Variants in PPP4R2 observed in about 807,000 individuals in gnomAD.
PPP4R2 encodes protein phosphatase 4 regulatory subunit 2, also known as serine/threonine-protein phosphatase 4 regulatory subunit 2.
Under a neutral mutation model 47.2 loss-of-function variants are expected in PPP4R2, and 13 were observed. That is an observed-to-expected ratio of 0.28 (90% CI 0.18 to 0.44). The LOEUF is 0.44. PPP4R2 is among the 20% of genes least tolerant of loss of function. The pLI is 1.00. For missense variants in PPP4R2, 421 were observed against 491.2 expected (o/e 0.86, Z 1.35); for synonymous variants, 151 against 163.3 (o/e 0.92, Z 0.57).
At chr3:73,048,493 A>T (rs1479082127) in intron 3 of PPP4R2, among the ~76,000 whole-genome samples, 1 of 151,952 alleles carries the variant, frequency 6.6e-6, no homozygotes, top group Non-Finnish European at 1.5e-5. Flanking sequence ...TGACCTTGTG[A>T]TCCGCCCACC....
chr3:73,000,819 G>T (rs1701443224), intron 2 of PPP4R2, among the ~76,000 whole-genome samples: 1 of 152,172 alleles, frequency 6.6e-6, no homozygotes, highest in South Asian at 2.1e-4. Flanking sequence ...TAAATATATA[G>T]TATGCGCTGA....
intron 3 of PPP4R2, among the ~76,000 whole-genome samples, chr3:73,054,585 G>A (rs150325844): frequency 0.013 from 1,968 of 152,056 alleles, 18 homozygotes; most frequent in Middle Eastern, 0.027. Context: ...CATATACATG[G>A]GTAAAACAAA....
Position 73,065,512 on chromosome 3 carries a change from A to G in PPP4R2, c.1044A>G (p.Glu348=), listed in dbSNP as rs375514870. The G allele has an allele frequency of 5.6e-6, 9 of 1,611,902 alleles. No homozygotes were observed. The highest frequency in any genetic ancestry group is 5.9e-6 in the Non-Finnish European group (7 of 1,179,680). ...ETSEENNQME[E]SDVSQAEKDL... is the part of the protein sequence containing the mutation. ...CTGAGGAAAATAATCAAATGGAGGA[A>G]TCTGATGTGTCTCAAGCTGAGAAAG... is the stretch of plus-strand genomic sequence containing the variant. The change falls in exon 9 of 9, where the codon GAA becomes GAG. Residue 348 remains glutamate (E), a synonymous_variant. Transcript: ENST00000356692.
At chr3:73,046,735 T>C (rs1388857580) in intron 2 of PPP4R2, among the ~76,000 whole-genome samples, 1 of 152,210 alleles carries the variant, frequency 6.6e-6, no homozygotes, top group Non-Finnish European at 1.5e-5. Flanking sequence ...AAGTTTATTT[T>C]GTTATTTAGT....
chr3:73,045,963 A>ATGCTG (rs1702477684), intron 2 of PPP4R2, among the ~76,000 whole-genome samples: 2 of 152,192 alleles, frequency 1.3e-5, no homozygotes, highest in Non-Finnish European at 2.9e-5. Flanking sequence ...TTTTTTTAAT[A>ATGCTG]CCTGTTTCTC....
intron 2 of PPP4R2, among the ~76,000 whole-genome samples, chr3:73,005,767 G>GGTTA (rs1331548200): frequency 2.0e-5 from 3 of 150,640 alleles, no homozygotes; most frequent in Non-Finnish European, 4.4e-5. Flanking sequence ...GGGAGGCAGA[G>GGTTA]GTTACAGTGA....
intron 2 of PPP4R2, among the ~76,000 whole-genome samples, chr3:73,032,161 A>G (rs1389225299): frequency 6.6e-6 from 1 of 152,230 alleles, no homozygotes; most frequent in African/African-American, 2.4e-5. Flanking sequence ...GAATTTATTA[A>G]TACGATAAAG....
chr3:73,062,111 T>A (rs1182799686), intron 5 of PPP4R2: 3 of 1,547,514 alleles, frequency 1.9e-6, no homozygotes, highest in South Asian at 2.4e-5. Flanking sequence ...TGTATGCTTA[T>A]GTTAATTCTC....
chr3:73,009,318 G>A (rs1399938604), intron 2 of PPP4R2, among the ~76,000 whole-genome samples: 5 of 152,100 alleles, frequency 3.3e-5, no homozygotes, highest in African/African-American at 7.2e-5. Flanking sequence ...TTAACTGTTC[G>A]GGAGTAATTA....
rs142344473 is a variant in PPP4R2, at chr3:73,034,924, C to T, written c.117-12262C>T. Reference sequence around the variant, plus strand: ...GGTGAGACCTCAAAAGCACAGGGAACGAAAGCAAAAACAGATGAATGGGAT... The same window carrying T: ...GGTGAGACCTCAAAAGCACAGGGAATGAAAGCAAAAACAGATGAATGGGAT... On this transcript the variant is annotated intron_variant, in intron 2 of 8. Transcript: ENST00000356692. Among the ~76,000 whole-genome samples, 74 of 151,228 alleles carry T rather than the reference C, an allele frequency of 4.9e-4. No individual in the cohort carries two copies. The Middle Eastern group carries it at 0.014, about 28-fold the overall frequency.
intron 7 of PPP4R2, 135 bp from the exon 8 acceptor site, chr3:73,064,717 T>A: frequency 1.3e-6 from 1 of 769,272 alleles, no homozygotes; most frequent in East Asian, 2.5e-5. Context: ...TTCTCTTGTG[T>A]TTTTCTTTGT....
rs1357298856 is a variant in PPP4R2 at position 73,065,657 on chromosome 3, G to T, written c.1189G>T (p.Glu397Ter). The change falls in exon 9 of 9, where the codon GAA (glutamate) becomes TAA (stop). Residue 397 changes from glutamate (E) to a stop codon, truncating the protein, a stop_gained. Coordinates refer to ENST00000356692, the MANE Select transcript of PPP4R2 (RefSeq NM_174907.4). LOFTEE classifies it high-confidence loss of function. ...NSSKTGEILS[E>*]SSMENDDEAT... ...CAGTAAAACTGGAGAGATTCTTTCA[G>T]AATCATCCATGGAAAATGATGACGA... 1.2e-6 allele frequency: 2 copies of T among 1,611,946 alleles called. No homozygotes were observed.
intron 2 of PPP4R2, among the ~76,000 whole-genome samples, chr3:73,007,628 A>G (rs1333650030): frequency 6.6e-6 from 1 of 151,996 alleles, no homozygotes; most frequent in Non-Finnish European, 1.5e-5. Context: ...AGCTGGAACT[A>G]CAGGTGCGCA....
chr3:73,019,270 C>T (rs913095039), intron 2 of PPP4R2, among the ~76,000 whole-genome samples: 5 of 152,192 alleles, frequency 3.3e-5, no homozygotes, highest in African/African-American at 1.2e-4. Context: ...ACATTGGAAT[C>T]ATCTGATGAC....
chr3:73,034,208 G>C (rs1702221469), intron 2 of PPP4R2, among the ~76,000 whole-genome samples: 1 of 151,998 alleles, frequency 6.6e-6, no homozygotes, highest in South Asian at 2.1e-4. Flanking sequence ...ACAGTTTTCT[G>C]ATTACTTCCC....
chr3:73,035,902 C>T (rs1354927563), intron 2 of PPP4R2, among the ~76,000 whole-genome samples: 1 of 152,172 alleles, frequency 6.6e-6, no homozygotes, highest in African/African-American at 2.4e-5. Flanking sequence ...AGGCATGAGC[C>T]ACTGCGCCCG....
intron 5 of PPP4R2, chr3:73,061,893 A>C (rs1208136060): frequency 7.4e-6 from 4 of 542,226 alleles, no homozygotes; most frequent in Non-Finnish European, 1.3e-5. Flanking sequence ...TGTTCCCAAG[A>C]ATATAGTTAT....
intron 2 of PPP4R2, among the ~76,000 whole-genome samples, chr3:73,034,394 A>G (rs1026265552): frequency 2.6e-5 from 4 of 152,222 alleles, no homozygotes; most frequent in Non-Finnish European, 5.9e-5. Flanking sequence ...ATTATTACTC[A>G]GGCTATGGAG....
At chr3:73,064,263 G>T in intron 7 of PPP4R2, 117 bp downstream of exon 7, 4 of 858,982 alleles carry the variant, frequency 4.7e-6, no homozygotes, top group Non-Finnish European at 7.0e-6. Context: ...GTTTTCATGC[G>T]GTTTATAGGA....
Sources: gnomAD v4.1 joint callset for allele counts (sites outside exome capture counted in the v4.1 genomes callset) on GRCh38, gnomAD v4.1.1 for gene constraint, MANE v1.5 for transcripts, NCBI Gene and HGNC (gene_info 2026-07-23, HGNC 2026-07-21) for gene names.